CHD6: variants seen among roughly 807,000 people sequenced by gnomAD.
CHD6 encodes the protein ATP-dependent chromatin remodeler CHD6.
In CHD6, 50 loss-of-function variants were observed where a neutral mutation model predicts 276.9. That is an observed-to-expected ratio of 0.18 (90% CI 0.14 to 0.23). The LOEUF is 0.23. Among genes scored for constraint, CHD6 ranks in the 10% least tolerant of loss-of-function variants. The pLI is 1.00. For synonymous variants in CHD6, 1,173 were observed against 1,229.3 expected (o/e 0.95, Z 0.96); for missense variants, 2,564 against 3,365.8 (o/e 0.76, Z 5.89).
At chr20:41,494,755 C>T (rs1050427670) in intron 8 of CHD6, among the ~76,000 whole-genome samples, 2 of 152,144 alleles carry the variant, frequency 1.3e-5, no homozygotes, top group Non-Finnish European at 2.9e-5. Context: ...CTAATTTCAT[C>T]GTCTAATCAA....
Position 41,452,875 on chromosome 20 carries a change from T to C in CHD6, c.3188A>G (p.Asp1063Gly). 1 of 1,613,582 alleles carries C rather than the reference T, an allele frequency of 6.2e-7. No homozygotes were observed. Among genetic ancestry groups the C allele is most frequent in the Non-Finnish European group, 8.5e-7 (1 of 1,179,930 alleles). The change falls in exon 21 of 37, where the codon GAC becomes GGC. Residue 1063 changes from aspartate to glycine, a missense_variant. By Grantham distance (94) the Asp-to-Gly change is moderately conservative. Around this residue, in one of 7 missense-constraint regions of CHD6, gnomAD observed 515 missense variants for 739.5 expected, o/e 0.70. Transcript: ENST00000373233. The surrounding 1 kb of genome is among the most constrained non-coding windows in gnomAD (Gnocchi z 4.2). The part of the protein sequence containing the change: ...QTKHYNSFEE[D>G]ELMEFSELDS... ...TAACTCTGAAAACTCCATGAGCTCG[T>C]CTTCCTCAAACGAGTTGTAGTGTTT... is the stretch of plus-strand genomic sequence containing the variant.
At chr20:41,484,693 G>A (rs1338881992) in intron 14 of CHD6, 86 bp from the exon 15 acceptor site, 8 of 1,406,544 alleles carry the variant, frequency 5.7e-6, no homozygotes, top group Non-Finnish European at 7.9e-6. Flanking sequence ...CTAATTTCTT[G>A]AACATTTACC....
At chr20:41,536,999 A>G (rs1357692507) in intron 2 of CHD6, among the ~76,000 whole-genome samples, 1 of 152,224 alleles carries the variant, frequency 6.6e-6, no homozygotes. Flanking sequence ...CCAAGTTGTG[A>G]TGACATTTCC....
chr20:41,419,736 T>G (rs995572418), intron 31 of CHD6, among the ~76,000 whole-genome samples: 1 of 152,074 alleles, frequency 6.6e-6, no homozygotes, highest in African/African-American at 2.4e-5. Flanking sequence ...TTTGGTTTTT[T>G]GTTCACCCTA....
intron 33 of CHD6, among the ~76,000 whole-genome samples, chr20:41,415,893 G>A (rs2046980678): frequency 1.3e-5 from 2 of 152,136 alleles, no homozygotes; most frequent in South Asian, 2.1e-4. Flanking sequence ...ATGCTAGTCC[G>A]TGAACTACAT....
chr20:41,579,698 G>A (rs1312055285), intron 1 of CHD6, among the ~76,000 whole-genome samples: 1 of 152,092 alleles, frequency 6.6e-6, no homozygotes, highest in Non-Finnish European at 1.5e-5. Flanking sequence ...TATTATCAAA[G>A]TATAAACAAG....
At chr20:41,600,413 A>C (rs148031304) in intron 1 of CHD6, among the ~76,000 whole-genome samples, 189 of 152,292 alleles carry the variant, frequency 1.2e-3, no homozygotes, top group African/African-American at 4.3e-3. Context: ...GCCAGAACTA[A>C]GCGGAGTAGG....
intron 1 of CHD6, among the ~76,000 whole-genome samples, chr20:41,582,139 TA>T (rs1172588145): frequency 4.7e-5 from 7 of 148,416 alleles, no homozygotes; most frequent in Admixed American, 6.7e-5. Context: ...TTCAATTACT[TA>T]AAAAAAAAAC....
intron 16 of CHD6, among the ~76,000 whole-genome samples, chr20:41,482,874 AT>A (rs2043326073): frequency 6.6e-6 from 1 of 152,152 alleles, no homozygotes; most frequent in Non-Finnish European, 1.5e-5. Context: ...GACATAAAAT[AT>A]CCCCACATTC....
intron 1 of CHD6, among the ~76,000 whole-genome samples, chr20:41,589,265 T>C (rs866850270): frequency 2.2e-4 from 34 of 152,278 alleles, no homozygotes; most frequent in Admixed American, 4.6e-4. Context: ...AATATCATAC[T>C]GAATGGGCAA....
intron 17 of CHD6, among the ~76,000 whole-genome samples, chr20:41,465,555 T>C (rs796201895): frequency 3.0e-4 from 45 of 152,228 alleles, no homozygotes; most frequent in African/African-American, 1.1e-3. Context: ...AACTTCTAAA[T>C]GGAATGTGGA....
intron 25 of CHD6, among the ~76,000 whole-genome samples, chr20:41,441,276 A>G (rs949562166): frequency 2.0e-5 from 3 of 152,084 alleles, no homozygotes; most frequent in African/African-American, 7.2e-5. Flanking sequence ...CACTGTACAG[A>G]CTCAACAAAC....
chr20:41,499,004 T>A (rs935944951), intron 6 of CHD6, among the ~76,000 whole-genome samples: 1 of 152,068 alleles, frequency 6.6e-6, no homozygotes, highest in African/African-American at 2.4e-5. Flanking sequence ...CATCTCTTCT[T>A]CTTGGCCCTC....
intron 3 of CHD6, among the ~76,000 whole-genome samples, chr20:41,528,947 T>C (rs551510221): frequency 6.6e-6 from 1 of 152,340 alleles, no homozygotes; most frequent in African/African-American, 2.4e-5. Flanking sequence ...ACTGAAATTC[T>C]ATAGAAGAGG....
At position 41,404,854 on chromosome 20, in the gene CHD6, G is replaced by C; in HGVS notation, c.7887C>G (p.Ser2629=). The C allele has an allele frequency of 6.2e-7, 1 of 1,614,126 alleles. No homozygotes were observed. The highest frequency in any genetic ancestry group is 8.5e-7 in the Non-Finnish European group (1 of 1,180,028). ...CTGGCAGAGCCATGCCCATACCAGG[G>C]GAGAGGAACATGGATGGGTAAATGA... The part of the protein sequence containing the change: ...PGLIYPSMFL[S]PGMGMALPAM... The change falls in exon 37 of 37, where the codon TCC becomes TCG. Residue 2629 remains serine (S), a synonymous_variant. Transcript: ENST00000373233.
intron 1 of CHD6, among the ~76,000 whole-genome samples, chr20:41,593,992 T>TAA (rs879583202): frequency 2.2e-5 from 3 of 138,718 alleles, no homozygotes; most frequent in African/African-American, 2.7e-5. Context: ...AAATTTTGCT[T>TAA]AAAAAAAAAA....
intron 34 of CHD6, chr20:41,414,366 AG>A: frequency 6.5e-6 from 1 of 153,176 alleles, no homozygotes; most frequent in East Asian, 1.9e-4. Flanking sequence ...GGAATAACAA[AG>A]CCCATCTTCA....
chr20:41,463,314 C>T (rs1353675256), intron 17 of CHD6, among the ~76,000 whole-genome samples: 1 of 152,188 alleles, frequency 6.6e-6, no homozygotes, highest in Non-Finnish European at 1.5e-5. Flanking sequence ...ATGACTGATT[C>T]AGCCAAAAAT....
intron 3 of CHD6, among the ~76,000 whole-genome samples, chr20:41,528,012 A>G (rs915341539): frequency 1.4e-4 from 21 of 152,206 alleles, no homozygotes; most frequent in African/African-American, 5.1e-4. Flanking sequence ...TGGACTTCCC[A>G]GTCTCCAGAA....
Sources: gnomAD v4.1 joint callset for allele counts (sites outside exome capture counted in the v4.1 genomes callset) on GRCh38, gnomAD v4.1.1 for gene constraint, gnomAD v4.1.1 regional missense constraint, Gnocchi (gnomAD v3.1) non-coding constraint, MANE v1.5 for transcripts, NCBI Gene and HGNC (gene_info 2026-07-23, HGNC 2026-07-21) for gene names.